The following CALN1 variants were observed in gnomAD, a reference collection of about 807,000 sequenced individuals.
CALN1 encodes calcium-binding protein 8.
CALN1 carries 17 observed loss-of-function variants against 30.6 expected under a neutral mutation model. The ratio of observed to expected loss-of-function variants is 0.56; its 90% CI spans 0.38 to 0.83. The LOEUF is 0.83. CALN1 is among the 40% of genes least tolerant of loss of function. CALN1 has a pLI of 0.00. For missense variants in CALN1, 291 were observed against 354.9 expected, an observed-to-expected ratio of 0.82 and a Z score of 1.45; for synonymous variants, 156 against 131.4, an observed-to-expected ratio of 1.19 and a Z score of -1.28.
intron 5 of CALN1, among the ~76,000 whole-genome samples, chr7:71,897,775 A>G (rs1164011447): frequency 2.6e-5 from 4 of 151,636 alleles, no homozygotes; most frequent in Non-Finnish European, 5.9e-5. Context: ...AGTGTGGCCT[A>G]TGAAGAGACA....
intron 3 of CALN1, among the ~76,000 whole-genome samples, chr7:72,134,876 T>G (rs1395358341): frequency 6.6e-6 from 1 of 152,238 alleles, no homozygotes; most frequent in Non-Finnish European, 1.5e-5. Flanking sequence ...GAGTCAATCC[T>G]TTTAAGCCTT....
rs544926321 is a variant in CALN1, at chr7:72,114,186, G to A, written c.245-7892C>T. On this transcript the variant is annotated intron_variant, in intron 3 of 6. Coordinates refer to ENST00000395275, the MANE Select transcript of CALN1 (RefSeq NM_031468.4). The stretch of plus-strand genomic sequence containing the variant: ...ACTTGAGGTCAGGAGTTTGAGTCCA[G>A]CTTGGTCAACATGGTAAAACCCAAG... Among the ~76,000 whole-genome samples, 11 of 148,482 alleles carry A rather than the reference G, an allele frequency of 7.4e-5. 1 individual carries two copies. In the South Asian group the frequency reaches 2.4e-3, roughly 32 times the overall value.
the CALN1 span, among the ~76,000 whole-genome samples, chr7:72,462,359 A>G: frequency 6.6e-6 from 1 of 151,982 alleles, no homozygotes; most frequent in East Asian, 1.9e-4. Context: ...TTATTTCTCT[A>G]TCTTTTTTAA....
chr7:72,258,410 G>A (rs1293360920), intron 3 of CALN1, among the ~76,000 whole-genome samples: 1 of 152,144 alleles, frequency 6.6e-6, no homozygotes, highest in Non-Finnish European at 1.5e-5. Flanking sequence ...ACAGCTACTG[G>A]GTTTAGACCG....
At position 72,192,051 on chromosome 7, in the gene CALN1, C is replaced by T. The variant is rs114349573; in HGVS notation, c.245-85757G>A. On this transcript the variant is annotated intron_variant, in intron 3 of 6. Transcript: ENST00000395275. ...TCCAGAGTGCACCTGAATTTCTTGG[C>T]GTACGGCCCCTTCCTCCGCATTCAA... 8.3e-3 allele frequency among the ~76,000 whole-genome samples: 1,261 copies of T among 152,268 alleles called. 22 individuals are homozygous for T. The highest frequency in any genetic ancestry group is 0.029 in the African/African-American group (1,218 of 41,548).
chr7:72,496,141 C>G, the CALN1 span, among the ~76,000 whole-genome samples: 6 of 152,242 alleles, frequency 3.9e-5, no homozygotes, highest in Middle Eastern at 0.01. Flanking sequence ...AGGCTGATCT[C>G]GAACTCCTGA....
chr7:72,149,686 A>T (rs1197919873), intron 3 of CALN1, among the ~76,000 whole-genome samples: 1 of 151,798 alleles, frequency 6.6e-6, no homozygotes, highest in Non-Finnish European at 1.5e-5. Flanking sequence ...CAGATTTGAG[A>T]TTTGTTCTCC....
At chr7:72,183,377 A>G (rs1215753986) in intron 3 of CALN1, among the ~76,000 whole-genome samples, 1 of 152,254 alleles carries the variant, frequency 6.6e-6, no homozygotes, top group Non-Finnish European at 1.5e-5. Context: ...AAGACGAATT[A>G]GAAATCTACA....
At chr7:72,270,283 C>G (rs1041538174) in intron 3 of CALN1, among the ~76,000 whole-genome samples, 1 of 152,128 alleles carries the variant, frequency 6.6e-6, no homozygotes, top group African/African-American at 2.4e-5. Context: ...GATGGCACCA[C>G]TGCACTCACC....
chr7:72,220,367 G>A (rs886616177), intron 3 of CALN1, among the ~76,000 whole-genome samples: 32 of 151,878 alleles, frequency 2.1e-4, no homozygotes, highest in South Asian at 1.0e-3. Context: ...CAAAGGACAC[G>A]AACTCATCAT....
intron 3 of CALN1, among the ~76,000 whole-genome samples, chr7:72,154,626 G>C (rs1336197643): frequency 6.6e-6 from 1 of 152,108 alleles, no homozygotes; most frequent in African/African-American, 2.4e-5. Context: ...GGGCCTCTGT[G>C]TCTCCCTCTA....
intron 2 of CALN1, among the ~76,000 whole-genome samples, chr7:72,357,280 C>A (rs548436236): frequency 6.6e-6 from 1 of 152,036 alleles, no homozygotes; most frequent in South Asian, 2.1e-4. Flanking sequence ...AACCCCCCGA[C>A]CCCAAGCTGA....
At position 72,278,820 on chromosome 7, in the gene CALN1, A is replaced by G; in HGVS notation, c.120-10T>C. The G allele has an allele frequency of 6.8e-6, 11 of 1,609,616 alleles. No homozygotes were observed. Among genetic ancestry groups the G allele is most frequent in the Non-Finnish European group, 9.4e-6 (11 of 1,176,306 alleles). ...GAACGGCATCTTTTCCCTGCCCAAG[A>G]GAGAACAGGGGAGGGGAAAAGAAAG... On this transcript the variant is annotated splice_polypyrimidine_tract_variant and intron_variant, in intron 2 of 6. Transcript: ENST00000395275.
chr7:72,073,014 T>G (rs2129538209), intron 4 of CALN1, among the ~76,000 whole-genome samples: 1 of 152,000 alleles, frequency 6.6e-6, no homozygotes, highest in Admixed American at 6.5e-5. Context: ...TTAAGACACA[T>G]GGGAAACAAA....
Position 72,284,120 on chromosome 7 carries a change from G to C in CALN1, c.120-5310C>G, listed in dbSNP as rs144406949. ...AGTCTGGGCAACATGGTGAGACTGT[G>C]TCTCTACAGAAAAATTTTAAAAATT... On this transcript the variant is annotated intron_variant, in intron 2 of 6. Transcript: ENST00000395275. Among the ~76,000 whole-genome samples, 8 of 152,148 alleles carry C rather than the reference G, an allele frequency of 5.3e-5. No individual in the cohort carries two copies. The East Asian group carries it at 1.2e-3, about 22-fold the overall frequency.
rs79225523 is a variant in CALN1, at chr7:71,912,200, G to A, written c.502-101708C>T. On this transcript the variant is annotated intron_variant, in intron 5 of 6. Coordinates refer to ENST00000395275, the MANE Select transcript of CALN1 (RefSeq NM_031468.4). ...GCTTAAGTGGCCGGCCAAACAGAAC[G>A]GAGGTCCAGCTGCCTAGTGATTTCA... Among the ~76,000 whole-genome samples the A allele has an allele frequency of 1.4e-4, 21 of 152,120 alleles. No individual in the cohort carries two copies. The East Asian group carries it at 3.3e-3, about 24-fold the overall frequency.
rs1284121479 is a variant in CALN1 at position 71,785,315 on chromosome 7, G to T, written c.*2460C>A. On this transcript the variant is annotated 3_prime_UTR_variant, in exon 7 of 7. Coordinates refer to ENST00000395275, the MANE Select transcript of CALN1 (RefSeq NM_031468.4). Reference sequence around the variant, plus strand: ...ATCCTGCAGCCTTTCCAGAAAACAGGATGGCGGCGCCTCTCCAGAACTCCT... The same window carrying T: ...ATCCTGCAGCCTTTCCAGAAAACAGTATGGCGGCGCCTCTCCAGAACTCCT... 6.5e-6 allele frequency: 1 copy of T among 154,852 alleles called. No individual in the cohort carries two copies. The highest frequency in any genetic ancestry group is 1.4e-5 in the Non-Finnish European group (1 of 69,904). The allele number at this position is 154,852 out of a possible 1,614,324, so 9.6% of individuals were successfully genotyped here. A position where few individuals can be genotyped will look rare whatever the true frequency, so the allele number is the denominator to read the frequency against.
At chr7:72,394,981 G>A (rs1032879921) in intron 2 of CALN1, among the ~76,000 whole-genome samples, 1 of 152,264 alleles carries the variant, frequency 6.6e-6, no homozygotes, top group Middle Eastern at 3.4e-3. Context: ...TGTCTTGTAA[G>A]TGAATGAATG....
intron 4 of CALN1, among the ~76,000 whole-genome samples, chr7:72,038,056 C>G (rs1189388593): frequency 1.3e-5 from 2 of 152,188 alleles, no homozygotes; most frequent in Non-Finnish European, 2.9e-5. Flanking sequence ...CCAGGTGCAC[C>G]ACCAATGGCT....
Sources: allele counts gnomAD v4.1 joint callset (sites outside exome capture counted in the v4.1 genomes callset), GRCh38; gene constraint gnomAD v4.1.1; transcripts MANE v1.5; gene names NCBI Gene and HGNC (gene_info 2026-07-23, HGNC 2026-07-21).